NPHP4: variants seen among roughly 807,000 people sequenced by gnomAD.
The protein encoded by NPHP4 is nephrocystin-4.
A neutral mutation model predicts 155.8 loss-of-function variants in NPHP4; 151 were observed. The ratio of observed to expected loss-of-function variants is 0.97; its 90% CI spans 0.85 to 1.11. The LOEUF (loss-of-function observed/expected upper bound fraction) is 1.11, where lower values mean the gene tolerates loss of function less well. Ranked by LOEUF, NPHP4 falls within the 50% of genes least tolerant of loss-of-function variation. NPHP4 has a pLI of 0.00. For missense variants in NPHP4, 1,956 were observed against 1,925.7 expected, an observed-to-expected ratio of 1.02 and a Z score of -0.29; for synonymous variants, 845 against 816.8, an observed-to-expected ratio of 1.03 and a Z score of -0.59.
At chr1:5,957,959 G>A (rs1649566432) in intron 6 of NPHP4, among the ~76,000 whole-genome samples, 1 of 152,226 alleles carries the variant, frequency 6.6e-6, no homozygotes. Flanking sequence ...AGAGTGCAAT[G>A]TGACATCCTC....
intron 11 of NPHP4, among the ~76,000 whole-genome samples, chr1:5,915,261 G>C (rs752064849): frequency 1.4e-4 from 22 of 152,174 alleles, no homozygotes; most frequent in African/African-American, 5.1e-4. Context: ...TACAAACAGG[G>C]GTAAACAGAT....
chr1:5,868,315 A>C (rs1233489941), intron 23 of NPHP4: 1 of 333,710 alleles, frequency 3.0e-6, no homozygotes, highest in African/African-American at 2.1e-5. Flanking sequence ...GTTCGCGGTC[A>C]AGCACGTCAG....
chr1:5,969,591 A>T (rs12729290), intron 3 of NPHP4, among the ~76,000 whole-genome samples: 62,050 of 152,022 alleles, frequency 0.41, 13,282 homozygotes, highest in East Asian at 0.75. Flanking sequence ...GGCCCACTAG[A>T]GCAGAATGGG....
rs1177226359 is a variant in NPHP4 at position 5,864,014 on chromosome 1, G to C, written c.4016C>G (p.Ala1339Gly). Reference sequence around the variant, plus strand: ...GTTGACACCCTTCCCTTCGCCCGCAGCCAACATGATCTCAAAGGCCTGTGG... The same window carrying C: ...GTTGACACCCTTCCCTTCGCCCGCACCCAACATGATCTCAAAGGCCTGTGG... ...LISKAFEIML[A>G]AGEGKGVNKR... is the part of the protein sequence containing the mutation. The change falls in exon 29 of 30, where the codon GCT becomes GGT. Residue 1339 changes from alanine to glycine, a missense_variant. Transcript: ENST00000378156. 6.2e-7 allele frequency: 1 copy of C among 1,613,472 alleles called. No homozygotes were observed. Among genetic ancestry groups the C allele is most frequent in the Non-Finnish European group, 8.5e-7 (1 of 1,179,728 alleles).
intron 17 of NPHP4, chr1:5,888,610 C>A (rs747184789): frequency 1.5e-6 from 2 of 1,349,300 alleles, no homozygotes; most frequent in South Asian, 2.3e-5. Context: ...TGAGAAGTCT[C>A]CTTTAGGGAA....
At chr1:5,988,456 G>A (rs901875604) in intron 1 of NPHP4, among the ~76,000 whole-genome samples, 1 of 152,076 alleles carries the variant, frequency 6.6e-6, no homozygotes, top group African/African-American at 2.4e-5. Context: ...TTTTGTTTTG[G>A]ATAATATAGT....
chr1:5,900,591 T>C (rs1334860857), intron 16 of NPHP4, among the ~76,000 whole-genome samples: 1 of 152,104 alleles, frequency 6.6e-6, no homozygotes, highest in East Asian at 1.9e-4. Flanking sequence ...TGTAGGGCCA[T>C]GAAGCTATTC....
chr1:5,960,831 C>T lies in NPHP4; in HGVS notation c.673+963G>A, dbSNP rs1161144919. On this transcript the variant is annotated intron_variant, in intron 6 of 29. Coordinates refer to ENST00000378156, the MANE Select transcript of NPHP4 (RefSeq NM_015102.5). ...AATTCCACCACCAGAGAATCAACTT[C>T]TGAAAACCACACCAAGACAGAGCCC... Among the ~76,000 whole-genome samples, 6 of 152,180 alleles carry T rather than the reference C, an allele frequency of 3.9e-5. No individual in the cohort carries two copies. The East Asian group carries it at 5.8e-4, about 15-fold the overall frequency.
chr1:5,872,841 T>C (rs778988180), intron 23 of NPHP4, among the ~76,000 whole-genome samples: 1 of 152,232 alleles, frequency 6.6e-6, no homozygotes, highest in Admixed American at 6.5e-5. Context: ...TGCCTTACTA[T>C]ACGGCCTTCG....
intron 11 of NPHP4, among the ~76,000 whole-genome samples, chr1:5,920,570 G>A (rs745559011): frequency 3.3e-5 from 5 of 152,078 alleles, no homozygotes; most frequent in African/African-American, 7.2e-5. Flanking sequence ...CCCGACAATC[G>A]CTGGGCATCT....
chr1:5,906,978 A>AC, intron 13 of NPHP4, 137 bp downstream of exon 13: 1 of 488,308 alleles, frequency 2.0e-6, no homozygotes, highest in Non-Finnish European at 3.7e-6. Flanking sequence ...GCAATGCCCC[A>AC]CTCCCACCCA....
intron 11 of NPHP4, among the ~76,000 whole-genome samples, chr1:5,919,634 A>G (rs1225957496): frequency 6.6e-6 from 1 of 152,240 alleles, no homozygotes; most frequent in African/African-American, 2.4e-5. Flanking sequence ...AGAATGGCTA[A>G]GATAAAATGG....
In NPHP4 at chr1:5,948,150, AACG is replaced by A; in HGVS notation, c.909_911del (p.Val305del). 6.2e-7 allele frequency: 1 copy of A among 1,613,644 alleles called. No homozygotes were observed. Among genetic ancestry groups the A allele is most frequent in the Admixed American group, 1.7e-5 (1 of 60,020 alleles). Reference sequence around the variant, plus strand: ...CCACATCCATCTCAGGCACCAGTACAACGACCTGCGGCCTCTGCACGAAGCCCA... The same window carrying A: ...CCACATCCATCTCAGGCACCAGTACAACCTGCGGCCTCTGCACGAAGCCCA... On this transcript the variant is annotated inframe_deletion, in exon 8 of 30. Transcript: ENST00000378156.
rs1171380087 is a variant in NPHP4, at chr1:5,944,719, G to A, written c.1119+2385C>T. Reference sequence around the variant, plus strand: ...GCGCGGTGGTTCACGTCTGGAACCTGAGCACTTTGGGAGGCCAAGGAGGGC... The same window carrying A: ...GCGCGGTGGTTCACGTCTGGAACCTAAGCACTTTGGGAGGCCAAGGAGGGC... On this transcript the variant is annotated intron_variant, in intron 9 of 29. Transcript: ENST00000378156. The surrounding 1 kb of genome is among the most constrained non-coding windows in gnomAD (Gnocchi z 4.3). Among the ~76,000 whole-genome samples, 1 of 152,134 alleles carries A rather than the reference G, an allele frequency of 6.6e-6. No homozygotes were observed. Among genetic ancestry groups the A allele is most frequent in the Non-Finnish European group, 1.5e-5 (1 of 68,032 alleles).
intron 9 of NPHP4, among the ~76,000 whole-genome samples, chr1:5,946,179 A>G (rs371228284): frequency 3.3e-5 from 5 of 152,336 alleles, no homozygotes; most frequent in African/African-American, 1.2e-4. Flanking sequence ...GTCTTGGAAC[A>G]AACGCCCCAT....
chr1:5,883,728 T>A (rs1459578478), intron 18 of NPHP4, among the ~76,000 whole-genome samples: 1 of 152,244 alleles, frequency 6.6e-6, no homozygotes, highest in East Asian at 1.9e-4. Context: ...CACCTTCATC[T>A]GATAGCGAAT....
In NPHP4 at chr1:5,969,212, C is replaced by A; in HGVS notation, c.327G>T (p.Val109=). 6.3e-7 allele frequency: 1 copy of A among 1,584,632 alleles called. No individual in the cohort carries two copies. Among genetic ancestry groups the A allele is most frequent in the Admixed American group, 1.8e-5 (1 of 56,518 alleles). ...TSLNHPHIVA[V]VEVVAEGKKR... Reference sequence around the variant, plus strand: ...TCTTGCCCTCAGCGACCACTTCCACCACAGCCACGATATGAGGGTGGTTTA... The same window carrying A: ...TCTTGCCCTCAGCGACCACTTCCACAACAGCCACGATATGAGGGTGGTTTA... The change falls in exon 4 of 30, where the codon GTG becomes GTT. Residue 109 remains valine (V), a synonymous_variant. Transcript: ENST00000378156.
chr1:5,900,769 G>A (rs1274087975), intron 16 of NPHP4, among the ~76,000 whole-genome samples: 2 of 152,172 alleles, frequency 1.3e-5, no homozygotes, highest in South Asian at 2.1e-4. Context: ...GGTGGCTCAC[G>A]CCTGTCATCT....
intron 11 of NPHP4, among the ~76,000 whole-genome samples, chr1:5,924,033 C>A (rs1253860269): frequency 6.6e-6 from 1 of 152,116 alleles, no homozygotes; most frequent in Non-Finnish European, 1.5e-5. Context: ...TAAGTCAAGA[C>A]ACGGAAGAAT....
Sources: allele counts gnomAD v4.1 joint callset (sites outside exome capture counted in the v4.1 genomes callset), GRCh38; gene constraint gnomAD v4.1.1; non-coding constraint Gnocchi (gnomAD v3.1); transcripts MANE v1.5; gene names NCBI Gene and HGNC (gene_info 2026-07-23, HGNC 2026-07-21).